FRMD4B: variants seen among roughly 807,000 people sequenced by gnomAD.
FRMD4B encodes FERM domain-containing protein 4B.
FRMD4B carries 74 observed loss-of-function variants against 141.5 expected under a neutral mutation model. The observed-to-expected ratio is 0.52, with a 90% CI of 0.43 to 0.63. FRMD4B has a LOEUF of 0.63. FRMD4B is among the 30% of genes least tolerant of loss of function. The probability of loss-of-function intolerance (pLI) is 0.00; values close to 1 mark genes in which losing one functional copy is unlikely to be tolerated. For missense variants in FRMD4B, 1,366 were observed against 1,253.4 expected (o/e 1.09, Z -1.36); for synonymous variants, 506 against 467.9 (o/e 1.08, Z -1.05).
chr3:69,302,937 G>A (rs1701264453), intron 3 of FRMD4B, among the ~76,000 whole-genome samples: 1 of 152,048 alleles, frequency 6.6e-6, no homozygotes, highest in African/African-American at 2.4e-5. Context: ...AGCCAGGCAT[G>A]GTGGCACGTG....
intron 5 of FRMD4B, among the ~76,000 whole-genome samples, chr3:69,258,962 A>G (rs77205792): frequency 0.035 from 5,325 of 152,286 alleles, 151 homozygotes; most frequent in East Asian, 0.1. Context: ...TGTAGAAGAC[A>G]ATTTTCCCAC....
intron 7 of FRMD4B, among the ~76,000 whole-genome samples, chr3:69,240,482 CAAAAAA>C (rs11344881): frequency 1.4e-5 from 1 of 72,436 alleles, no homozygotes; most frequent in African/African-American, 5.6e-5. Flanking sequence ...GACTCTGTCT[CAAAAAA>C]AAAAAAAAAA....
intron 2 of FRMD4B, among the ~76,000 whole-genome samples, chr3:69,415,748 T>C (rs1704847263): frequency 6.6e-6 from 1 of 152,244 alleles, no homozygotes; most frequent in South Asian, 2.1e-4. Flanking sequence ...AATTTTGATC[T>C]TTTCCATGGG....
intron 5 of FRMD4B, among the ~76,000 whole-genome samples, chr3:69,277,763 C>T (rs2093624973): frequency 6.6e-6 from 1 of 152,124 alleles, no homozygotes; most frequent in African/African-American, 2.4e-5. Context: ...ATCTCCTAAC[C>T]TTGTGATCCA....
chr3:69,353,690 A>T (rs1312452064), intron 1 of FRMD4B: 1 of 984,856 alleles, frequency 1.0e-6, no homozygotes, highest in East Asian at 1.1e-4. Context: ...CTCCAACTAC[A>T]AGCCAGTGGA....
intron 1 of FRMD4B, among the ~76,000 whole-genome samples, chr3:69,524,828 C>T (rs1038835788): frequency 2.0e-5 from 3 of 152,222 alleles, no homozygotes; most frequent in Non-Finnish European, 2.9e-5. Context: ...TAGGAAATGT[C>T]GCCCCTACCT....
intron 7 of FRMD4B, among the ~76,000 whole-genome samples, chr3:69,242,478 A>ATTTTTTTT (rs71115667): frequency 3.7e-5 from 2 of 54,598 alleles, no homozygotes; most frequent in Admixed American, 3.4e-4. Flanking sequence ...AAATAGCTGC[A>ATTTTTTTT]TTTTTTTTTT....
intron 19 of FRMD4B, among the ~76,000 whole-genome samples, chr3:69,186,669 A>G (rs1181575965): frequency 6.6e-6 from 1 of 152,092 alleles, no homozygotes; most frequent in African/African-American, 2.4e-5. Flanking sequence ...CTGAGATTGC[A>G]CCACTGCACT....
chr3:69,323,033 G>C, intron 1 of FRMD4B: 1 of 972,282 alleles, frequency 1.0e-6, no homozygotes, highest in Non-Finnish European at 1.2e-6. Flanking sequence ...AGGTTCACTG[G>C]AAGTGGAGAA....
At chr3:69,483,038 A>G (rs1706156595) in intron 1 of FRMD4B, among the ~76,000 whole-genome samples, 1 of 152,196 alleles carries the variant, frequency 6.6e-6, no homozygotes, top group Admixed American at 6.5e-5. Context: ...TTAGGCTAGG[A>G]ATATCGGTCT....
Position 69,338,761 on chromosome 3 carries a change from A to G in FRMD4B, c.163-25244T>C, listed in dbSNP as rs997322955. ...CTATGCTTATTACCTGAGTAACAAAATAATATGTACACCAAACACCTATGA... is the reference window on the plus strand; with the variant it reads ...CTATGCTTATTACCTGAGTAACAAAGTAATATGTACACCAAACACCTATGA... On this transcript the variant is annotated intron_variant, in intron 1 of 22. Coordinates refer to ENST00000398540, the MANE Select transcript of FRMD4B (RefSeq NM_015123.3). 9.2e-5 allele frequency among the ~76,000 whole-genome samples: 14 copies of G among 152,190 alleles called. 1 individual carries two copies. The highest frequency in any genetic ancestry group is 3.1e-4 in the African/African-American group (13 of 41,452).
At chr3:69,522,449 C>T (rs58899916) in intron 1 of FRMD4B, among the ~76,000 whole-genome samples, 9,049 of 152,144 alleles carry the variant, frequency 0.059, 820 homozygotes, top group African/African-American at 0.19. Context: ...CTTCTATCCA[C>T]ATCATATTGG....
intron 1 of FRMD4B, among the ~76,000 whole-genome samples, chr3:69,493,140 G>C (rs938794166): frequency 1.3e-5 from 2 of 152,186 alleles, no homozygotes; most frequent in Non-Finnish European, 2.9e-5. Context: ...ACACTCACAT[G>C]CATGACTTTT....
intron 1 of FRMD4B, among the ~76,000 whole-genome samples, chr3:69,318,359 A>T (rs537208533): frequency 6.6e-6 from 1 of 152,218 alleles, no homozygotes; most frequent in Non-Finnish European, 1.5e-5. Flanking sequence ...GTTCCAAAGC[A>T]TAGACTCTCC....
intron 1 of FRMD4B, among the ~76,000 whole-genome samples, chr3:69,362,265 G>T (rs12631128): frequency 0.36 from 55,397 of 151,776 alleles, 12,009 homozygotes; most frequent in African/African-American, 0.61. Context: ...GAGGCATAGA[G>T]AGGTTAAATA....
intron 5 of FRMD4B, among the ~76,000 whole-genome samples, chr3:69,270,262 T>C (rs2093587988): frequency 6.6e-6 from 1 of 152,250 alleles, no homozygotes; most frequent in African/African-American, 2.4e-5. Flanking sequence ...AATCATGAAA[T>C]GGAAGTCTTC....
chr3:69,265,265 AAAAAATATATATAT>A (rs1454638440), intron 5 of FRMD4B, among the ~76,000 whole-genome samples: 1 of 17,980 alleles, frequency 5.6e-5, no homozygotes, highest in Non-Finnish European at 1.1e-4. Context: ...AAAAAAAAAA[AAAAAATATATATAT>A]ATATATATAT....
upstream of FRMD4B, among the ~76,000 whole-genome samples, chr3:69,390,529 C>T (rs750696497): frequency 6.6e-6 from 1 of 152,120 alleles, no homozygotes; most frequent in African/African-American, 2.4e-5. Flanking sequence ...ACTGGAGAGC[C>T]CCCAGAGCAA....
At chr3:69,239,903 AT>A (rs1198300684) in intron 7 of FRMD4B, among the ~76,000 whole-genome samples, 1 of 152,080 alleles carries the variant, frequency 6.6e-6, no homozygotes, top group East Asian at 1.9e-4. Flanking sequence ...AATACAAAAA[AT>A]TAGCCAGGTG....
Sources: allele counts gnomAD v4.1 joint callset (sites outside exome capture counted in the v4.1 genomes callset), GRCh38; gene constraint gnomAD v4.1.1; transcripts MANE v1.5; gene names NCBI Gene and HGNC (gene_info 2026-07-23, HGNC 2026-07-21).